SYNJ2: variants seen among roughly 807,000 people sequenced by gnomAD.
SYNJ2 encodes synaptojanin 2.
A neutral mutation model predicts 141.3 loss-of-function variants in SYNJ2; 116 were observed. The observed-to-expected ratio is 0.82, with a 90% CI of 0.71 to 0.96. SYNJ2 has a LOEUF of 0.96. Among genes scored for constraint, SYNJ2 ranks in the 40% least tolerant of loss-of-function variants. The probability of loss-of-function intolerance (pLI) is 0.00; values close to 1 mark genes in which losing one functional copy is unlikely to be tolerated. For synonymous variants in SYNJ2, 745 were observed against 777.7 expected (o/e 0.96, Z 0.70); for missense variants, 1,873 against 1,934.8 (o/e 0.97, Z 0.60).
At chr6:158,065,085 C>T (rs1422112003) in intron 11 of SYNJ2, 94 bp downstream of exon 11, 12 of 1,408,398 alleles carry the variant, frequency 8.5e-6, no homozygotes, top group Non-Finnish European at 1.0e-5. Flanking sequence ...GAGCGGGTGG[C>T]AGAGGTGCCT....
Position 157,996,780 on chromosome 6 carries a change from G to A in SYNJ2, c.127+14692G>A, listed in dbSNP as rs528489215. On this transcript the variant is annotated intron_variant, in intron 1 of 26. Transcript: ENST00000355585. ...GTGTGGCACCCACCCCACCCTCTTG[G>A]TCCTGCTCCTGCCATGTAAGTTGCC... is the stretch of plus-strand genomic sequence containing the variant. Among the ~76,000 whole-genome samples, 57 of 152,186 alleles carry A rather than the reference G, an allele frequency of 3.7e-4. No individual in the cohort carries two copies. The South Asian group carries it at 0.012, about 32-fold the overall frequency.
intron 20 of SYNJ2, 128 bp from the exon 21 acceptor site, chr6:158,083,301 G>C: frequency 8.4e-7 from 1 of 1,190,880 alleles, no homozygotes. Flanking sequence ...TGGACCCTTG[G>C]TTTTTCAGGG....
intron 6 of SYNJ2, among the ~76,000 whole-genome samples, chr6:158,057,316 ACCCTGGGTGCCAGCGCTCCCTTACG>A (rs987012379): frequency 4.6e-5 from 7 of 151,282 alleles, no homozygotes; most frequent in South Asian, 2.1e-4. Context: ...GTCCCCTTAC[ACCCTGGGTGCCAGCGCTCCCTTACG>A]CCCTGGGTGC....
rs1480487386 is a variant in SYNJ2 at position 158,076,734 on chromosome 6, A to G, written c.2401A>G (p.Thr801Ala). The G allele has an allele frequency of 6.2e-7, 1 of 1,614,194 alleles. No individual in the cohort carries two copies. The highest frequency in any genetic ancestry group is 1.7e-5 in the Admixed American group (1 of 60,028). The change falls in exon 17 of 27, where the codon ACA (threonine) becomes GCA (alanine). Residue 801 changes from threonine (T) to alanine (A), a missense_variant. Transcript: ENST00000355585. ...CGACAAATGCCGCACCCCCGCCTGGACAGACAGGGTGCTGTGGTGGAGGAA... is the reference window on the plus strand; with the variant it reads ...CGACAAATGCCGCACCCCCGCCTGGGCAGACAGGGTGCTGTGGTGGAGGAA... ...TSDKCRTPAW[T>A]DRVLWWRKKH...
At chr6:158,041,206 G>C (rs1360000269) in intron 4 of SYNJ2, among the ~76,000 whole-genome samples, 1 of 152,118 alleles carries the variant, frequency 6.6e-6, no homozygotes, top group Non-Finnish European at 1.5e-5. Flanking sequence ...GGGCAAATGG[G>C]GGTTTGCAAA....
In SYNJ2 at chr6:158,054,498, A is replaced by G. The variant is rs75864067; in HGVS notation, c.796-469A>G. Among the ~76,000 whole-genome samples the G allele has an allele frequency of 6.5e-3, 995 of 152,358 alleles. 10 individuals carry two copies. Among genetic ancestry groups the G allele is most frequent in the African/African-American group, 0.023 (937 of 41,588 alleles). On this transcript the variant is annotated intron_variant, in intron 5 of 26. Transcript: ENST00000355585. ...TGTATTTTCTAAAACTAAGTTGAGTATTAAATAAATAGTTCTATTAATAAT... is the reference window on the plus strand; with the variant it reads ...TGTATTTTCTAAAACTAAGTTGAGTGTTAAATAAATAGTTCTATTAATAAT...
intron 15 of SYNJ2, among the ~76,000 whole-genome samples, chr6:158,074,029 G>A (rs1197653915): frequency 1.3e-5 from 2 of 152,064 alleles, no homozygotes; most frequent in Admixed American, 1.3e-4. Flanking sequence ...CTGGGGAAGA[G>A]ACAGGGAAGG....
chr6:158,037,389 C>A (rs1272381001), intron 4 of SYNJ2, among the ~76,000 whole-genome samples: 1 of 149,568 alleles, frequency 6.7e-6, no homozygotes, highest in African/African-American at 2.5e-5. Flanking sequence ...CTCCAGTTGT[C>A]CTCATCTTTT....
chr6:158,012,483 G>A (rs1431108606), intron 1 of SYNJ2, among the ~76,000 whole-genome samples: 3 of 152,196 alleles, frequency 2.0e-5, no homozygotes, highest in East Asian at 1.9e-4. Flanking sequence ...GGAAGGAGCC[G>A]AGAGCCAAGG....
chr6:158,059,486 A>G (rs1169237179), intron 7 of SYNJ2, 133 bp downstream of exon 7: 4 of 1,477,800 alleles, frequency 2.7e-6, no homozygotes, highest in South Asian at 2.7e-5. Flanking sequence ...AGGCTTCCCC[A>G]GCATTCCGAC....
At chr6:158,074,078 G>A (rs1308139825) in intron 15 of SYNJ2, among the ~76,000 whole-genome samples, 3 of 152,074 alleles carry the variant, frequency 2.0e-5, no homozygotes, top group Non-Finnish European at 2.9e-5. Flanking sequence ...AGCTGGGGCC[G>A]TGGGCTCCTA....
At chr6:158,044,087 C>T (rs572054112) in intron 5 of SYNJ2, among the ~76,000 whole-genome samples, 1 of 152,230 alleles carries the variant, frequency 6.6e-6, no homozygotes, top group Non-Finnish European at 1.5e-5. Context: ...CCCAGTCTTC[C>T]TCCCTGTCCC....
intron 1 of SYNJ2, among the ~76,000 whole-genome samples, chr6:158,007,571 C>T (rs1778120800): frequency 6.6e-6 from 1 of 152,134 alleles, no homozygotes; most frequent in African/African-American, 2.4e-5. Context: ...CAAAATATAC[C>T]CAGATATGTG....
intron 17 of SYNJ2, chr6:158,077,674 A>C (rs1039199776): frequency 1.5e-4 from 19 of 126,758 alleles, no homozygotes; most frequent in African/African-American, 4.8e-4. Flanking sequence ...AAAAAAAAAA[A>C]AAAAACCTAA....
intron 1 of SYNJ2, among the ~76,000 whole-genome samples, chr6:158,007,441 CTT>C (rs1778115729): frequency 6.6e-6 from 1 of 152,256 alleles, no homozygotes; most frequent in Non-Finnish European, 1.5e-5. Flanking sequence ...TCCTCTCACT[CTT>C]TGCTGTCACG....
chr6:158,017,915 G>A (rs754695363), intron 2 of SYNJ2: 330 of 402,416 alleles, frequency 8.2e-4, no homozygotes, highest in Non-Finnish European at 1.3e-3. Context: ...TAAGTGTTTC[G>A]AAAGTCTGGT....
intron 3 of SYNJ2, among the ~76,000 whole-genome samples, chr6:158,032,127 G>C (rs1372756642): frequency 1.3e-5 from 2 of 151,912 alleles, no homozygotes; most frequent in African/African-American, 2.4e-5. Flanking sequence ...GACGCGGGCT[G>C]TGCTCCCTGT....
chr6:158,082,429 G>T (rs1202159223), intron 20 of SYNJ2, among the ~76,000 whole-genome samples: 1 of 146,090 alleles, frequency 6.8e-6, no homozygotes, highest in African/African-American at 2.6e-5. Flanking sequence ...AGAGGTTGCA[G>T]TGAGCCGAGA....
chr6:158,034,145 A>G (rs1196709635), intron 4 of SYNJ2, among the ~76,000 whole-genome samples: 3 of 152,192 alleles, frequency 2.0e-5, no homozygotes, highest in African/African-American at 7.2e-5. Context: ...AGAGTTGTGA[A>G]ATCTGCGTGT....
Sources: gnomAD v4.1 joint callset for allele counts (sites outside exome capture counted in the v4.1 genomes callset) on GRCh38, gnomAD v4.1.1 for gene constraint, MANE v1.5 for transcripts, NCBI Gene and HGNC (gene_info 2026-07-23, HGNC 2026-07-21) for gene names.